The following RANBP2 variants were observed in gnomAD, a reference collection of about 807,000 sequenced individuals.
The protein encoded by RANBP2 is E3 SUMO-protein ligase RanBP2.
Under a neutral mutation model 303.6 loss-of-function variants are expected in RANBP2, and 57 were observed. The ratio of observed to expected loss-of-function variants is 0.19; its 90% confidence interval spans 0.15 to 0.23. The LOEUF is 0.23. RANBP2 is among the 10% of genes least tolerant of loss of function. The pLI, the probability that RANBP2 is intolerant of heterozygous loss-of-function variation, is 1.00. For missense variants in RANBP2, 3,138 were observed against 3,780.8 expected (o/e 0.83, Z 4.46); for synonymous variants, 1,167 against 1,301.5 (o/e 0.90, Z 2.23).
chr2:108,983,046 C>G, the RANBP2 span, among the ~76,000 whole-genome samples: 1 of 152,186 alleles, frequency 6.6e-6, no homozygotes, highest in Non-Finnish European at 1.5e-5. Flanking sequence ...CAACAGAAAA[C>G]CACACTCTGC....
chr2:108,935,755 C>A, the RANBP2 span, among the ~76,000 whole-genome samples: 1 of 152,214 alleles, frequency 6.6e-6, no homozygotes, highest in Non-Finnish European at 1.5e-5. Flanking sequence ...ATGTGGCAAT[C>A]TTATAGGCCC....
chr2:109,576,863 T>C, the RANBP2 span, among the ~76,000 whole-genome samples: 2 of 152,152 alleles, frequency 1.3e-5, no homozygotes, highest in South Asian at 2.1e-4. Flanking sequence ...ATCTAACATA[T>C]ATTTCATCAA....
the RANBP2 span, chr2:108,930,011 A>C: frequency 7.3e-7 from 1 of 1,375,670 alleles, no homozygotes; most frequent in South Asian, 1.4e-5. Context: ...GGCTGGTTTG[A>C]TATACCCTGG....
At chr2:109,273,654 T>G in the RANBP2 span, among the ~76,000 whole-genome samples, 7 of 152,158 alleles carry the variant, frequency 4.6e-5, no homozygotes, top group African/African-American at 1.7e-4. Context: ...ATGATAGACA[T>G]TAAACATGCG....
chr2:109,363,311 G>A, the RANBP2 span, among the ~76,000 whole-genome samples: 5 of 152,120 alleles, frequency 3.3e-5, no homozygotes, highest in African/African-American at 1.2e-4. Flanking sequence ...TCAAATAACT[G>A]TGCTGCTTTG....
At chr2:109,180,098 G>T in the RANBP2 span, among the ~76,000 whole-genome samples, 3 of 151,984 alleles carry the variant, frequency 2.0e-5, no homozygotes, top group Admixed American at 2.0e-4. Context: ...GCCTCCATGG[G>T]GTTAGGAACC....
chr2:109,413,128 T>A, the RANBP2 span, among the ~76,000 whole-genome samples: 60 of 152,286 alleles, frequency 3.9e-4, no homozygotes, highest in Non-Finnish European at 1.3e-4. Context: ...ATATATATAT[T>A]TTTTGAGATA....
the RANBP2 span, among the ~76,000 whole-genome samples, chr2:109,460,675 T>C: frequency 6.6e-6 from 1 of 152,098 alleles, no homozygotes; most frequent in African/African-American, 2.4e-5. Flanking sequence ...TGTTTTCCCA[T>C]TGAAAGAGGT....
At chr2:109,706,243 C>T in the RANBP2 span, among the ~76,000 whole-genome samples, 1 of 152,218 alleles carries the variant, frequency 6.6e-6, no homozygotes, top group Non-Finnish European at 1.5e-5. Flanking sequence ...CCCCTGCTCA[C>T]ACCGGCATTG....
At chr2:109,526,486 A>G in the RANBP2 span, among the ~76,000 whole-genome samples, 2 of 151,892 alleles carry the variant, frequency 1.3e-5, no homozygotes, top group African/African-American at 4.8e-5. Flanking sequence ...TTATTTTTGT[A>G]TTTTTAGTAG....
At chr2:109,547,369 GTTTTT>G in the RANBP2 span, among the ~76,000 whole-genome samples, 7 of 117,868 alleles carry the variant, frequency 5.9e-5, no homozygotes, top group Admixed American at 5.2e-4. Flanking sequence ...TAATAAACTT[GTTTTT>G]TTTTTTTTTT....
the RANBP2 span, among the ~76,000 whole-genome samples, chr2:109,297,228 T>G: frequency 6.6e-6 from 1 of 151,976 alleles, no homozygotes; most frequent in African/African-American, 2.4e-5. Flanking sequence ...ATTCAGCTGT[T>G]TTTCATTGAC....
the RANBP2 span, among the ~76,000 whole-genome samples, chr2:109,600,308 C>A: frequency 2.0e-5 from 3 of 152,138 alleles, no homozygotes; most frequent in Non-Finnish European, 4.4e-5. Flanking sequence ...ACAGGCAATA[C>A]TACCCCTGCC....
chr2:109,700,409 G>A, the RANBP2 span, among the ~76,000 whole-genome samples: 1 of 151,864 alleles, frequency 6.6e-6, no homozygotes, highest in Non-Finnish European at 1.5e-5. Context: ...ATATATATAA[G>A]AAGTAGATTG....
chr2:109,604,788 G>C, the RANBP2 span: 1 of 152,152 alleles, frequency 6.6e-6, no homozygotes, highest in Non-Finnish European at 1.5e-5. Context: ...AACTGGTATG[G>C]TTGGAAAATC....
At chr2:109,707,164 T>C in the RANBP2 span, among the ~76,000 whole-genome samples, 1 of 152,268 alleles carries the variant, frequency 6.6e-6, no homozygotes, top group African/African-American at 2.4e-5. Context: ...TAACTTCAGA[T>C]CTACTGCCTA....
chr2:109,735,628 TA>T, the RANBP2 span, among the ~76,000 whole-genome samples: 27 of 152,232 alleles, frequency 1.8e-4, no homozygotes, highest in South Asian at 1.0e-3. Flanking sequence ...TGGGACTAGT[TA>T]AAAAAAATTT....
chr2:109,066,548 G>T, the RANBP2 span, among the ~76,000 whole-genome samples: 1 of 152,116 alleles, frequency 6.6e-6, no homozygotes, highest in Non-Finnish European at 1.5e-5. Context: ...TAGGAGTGAG[G>T]CTCCCTCCTA....
the RANBP2 span, among the ~76,000 whole-genome samples, chr2:109,596,392 T>C: frequency 8.6e-5 from 13 of 151,920 alleles, no homozygotes; most frequent in East Asian, 2.5e-3. Flanking sequence ...CCGAGGTGGG[T>C]GGATCATGAG....
Sources: gnomAD v4.1 joint callset for allele counts (sites outside exome capture counted in the v4.1 genomes callset) on GRCh38, gnomAD v4.1.1 for gene constraint, MANE v1.5 for transcripts, NCBI Gene and HGNC (gene_info 2026-07-23, HGNC 2026-07-21) for gene names.